Variants in WDFY3 observed in about 807,000 individuals in gnomAD.
WDFY3 encodes the protein WD repeat and FYVE domain containing 3.
Under a neutral mutation model 409.6 loss-of-function variants are expected in WDFY3, and 66 were observed. That is an observed-to-expected ratio of 0.16 (90% CI 0.13 to 0.20). The LOEUF is 0.20. Ranked by LOEUF, WDFY3 falls within the 10% of genes least tolerant of loss-of-function variation. The pLI, the probability that WDFY3 is intolerant of heterozygous loss-of-function variation, is 1.00. For missense variants in WDFY3, 3,031 were observed against 4,298.1 expected, an observed-to-expected ratio of 0.71 and a Z score of 8.24; for synonymous variants, 1,521 against 1,537.1, an observed-to-expected ratio of 0.99 and a Z score of 0.25.
intron 32 of WDFY3, among the ~76,000 whole-genome samples, chr4:84,765,505 T>C (rs916701584): frequency 4.6e-5 from 7 of 152,106 alleles, no homozygotes; most frequent in African/African-American, 1.4e-4. Context: ...ATTATTATTA[T>C]TAATTTAGTT....
chr4:84,699,280 T>C (rs894452106), intron 56 of WDFY3, among the ~76,000 whole-genome samples: 2 of 152,208 alleles, frequency 1.3e-5, no homozygotes, highest in African/African-American at 4.8e-5. Flanking sequence ...TTACCTATTC[T>C]GAGTATTTCC....
intron 10 of WDFY3, among the ~76,000 whole-genome samples, chr4:84,822,319 C>A (rs372294654): frequency 2.0e-5 from 3 of 151,932 alleles, no homozygotes; most frequent in African/African-American, 7.3e-5. Flanking sequence ...CCAAGTATGA[C>A]CAAAAAATTA....
At chr4:84,935,270 T>G (rs1352462655) in intron 1 of WDFY3, among the ~76,000 whole-genome samples, 1 of 152,188 alleles carries the variant, frequency 6.6e-6, no homozygotes, top group African/African-American at 2.4e-5. Flanking sequence ...AATTTAACTT[T>G]TCATGATGAT....
At chr4:84,732,193 G>C (rs1473559659) in intron 44 of WDFY3, among the ~76,000 whole-genome samples, 1 of 152,120 alleles carries the variant, frequency 6.6e-6, no homozygotes, top group Non-Finnish European at 1.5e-5. Flanking sequence ...ACTTTAGAGA[G>C]CTATCTTCCA....
intron 3 of WDFY3, among the ~76,000 whole-genome samples, chr4:84,884,893 A>T (rs1004765338): frequency 5.3e-5 from 8 of 152,222 alleles, no homozygotes; most frequent in African/African-American, 1.9e-4. Flanking sequence ...ATACAATTAA[A>T]CTAGACTCCT....
At chr4:84,915,199 T>C (rs1768319778) in intron 2 of WDFY3, among the ~76,000 whole-genome samples, 1 of 152,154 alleles carries the variant, frequency 6.6e-6, no homozygotes, top group Non-Finnish European at 1.5e-5. Context: ...TATTACCTAA[T>C]GGGTACAGAG....
At chr4:84,850,928 G>GTGTTTTTTTTTTTTTTTTTTTTTTTTTTT (rs1758864479) in intron 4 of WDFY3, among the ~76,000 whole-genome samples, 1 of 46,220 alleles carries the variant, frequency 2.2e-5, no homozygotes, top group African/African-American at 9.3e-5. Context: ...TTATTTATCT[G>GTGTTTTTTTTTTTTTTTTTTTTTTTTTTT]TTTTTTTTTT....
intron 3 of WDFY3, among the ~76,000 whole-genome samples, chr4:84,889,569 G>A (rs1305310609): frequency 3.3e-5 from 5 of 152,202 alleles, no homozygotes; most frequent in East Asian, 1.9e-4. Context: ...AAGAATAGGC[G>A]GCAGCAAAAA....
intron 55 of WDFY3, among the ~76,000 whole-genome samples, chr4:84,702,960 G>C (rs1013790441): frequency 6.6e-6 from 1 of 152,084 alleles, no homozygotes; most frequent in Admixed American, 6.5e-5. Flanking sequence ...GCCTGGCGAG[G>C]TGGCGGGCGC....
intron 51 of WDFY3, among the ~76,000 whole-genome samples, chr4:84,712,537 G>A (rs1325916911): frequency 1.3e-5 from 2 of 151,740 alleles, no homozygotes; most frequent in South Asian, 2.1e-4. Context: ...CCTGACCAAC[G>A]TGGCAAAACC....
At chr4:84,950,912 A>C (rs1283189259) in intron 1 of WDFY3, among the ~76,000 whole-genome samples, 4 of 152,250 alleles carry the variant, frequency 2.6e-5, no homozygotes, top group African/African-American at 4.8e-5. Context: ...ACTGCAATAC[A>C]ATCACTGCAG....
At chr4:84,808,522 A>T in intron 14 of WDFY3, 105 bp from the exon 15 acceptor site, 1 of 844,006 alleles carries the variant, frequency 1.2e-6, no homozygotes, top group Non-Finnish European at 2.0e-6. Flanking sequence ...AAGTTTAATA[A>T]GGAACATCTT....
intron 1 of WDFY3, among the ~76,000 whole-genome samples, chr4:84,957,326 C>T (rs1413199585): frequency 6.6e-6 from 1 of 151,292 alleles, no homozygotes; most frequent in Admixed American, 6.6e-5. Context: ...GACTATAACG[C>T]TATGGAAGAT....
At chr4:84,866,163 G>A (rs910089950) in intron 3 of WDFY3, among the ~76,000 whole-genome samples, 2 of 152,126 alleles carry the variant, frequency 1.3e-5, no homozygotes, top group Non-Finnish European at 2.9e-5. Context: ...AATGATGGGG[G>A]AAAAAATCAG....
At chr4:84,885,145 C>T (rs1183439421) in intron 3 of WDFY3, among the ~76,000 whole-genome samples, 3 of 151,934 alleles carry the variant, frequency 2.0e-5, no homozygotes, top group Admixed American at 1.3e-4. Context: ...GGATTACAGG[C>T]GTGCACCACC....
intron 32 of WDFY3, among the ~76,000 whole-genome samples, chr4:84,760,089 T>G (rs1265845278): frequency 6.6e-6 from 1 of 151,208 alleles, no homozygotes; most frequent in African/African-American, 2.4e-5. Flanking sequence ...TGGTTCTGTT[T>G]ATATGCTGGA....
chr4:84,938,067 T>C (rs1771656160), intron 1 of WDFY3, among the ~76,000 whole-genome samples: 1 of 152,162 alleles, frequency 6.6e-6, no homozygotes, highest in Admixed American at 6.6e-5. Flanking sequence ...GACAGGTGTA[T>C]TTCCCTTCTA....
At chr4:84,788,153 A>G (rs1002319743) in intron 22 of WDFY3, among the ~76,000 whole-genome samples, 2 of 152,186 alleles carry the variant, frequency 1.3e-5, no homozygotes, top group Admixed American at 6.5e-5. Context: ...GGGGTAAATT[A>G]TTATAATAAA....
At chr4:84,753,626 C>T in intron 35 of WDFY3, 71 bp downstream of exon 35, 2 of 1,445,950 alleles carry the variant, frequency 1.4e-6, no homozygotes, top group African/African-American at 1.4e-5. Context: ...AATCTGCTAA[C>T]CATTGAAACA....
Sources: allele counts gnomAD v4.1 joint callset (sites outside exome capture counted in the v4.1 genomes callset), GRCh38; gene constraint gnomAD v4.1.1; transcripts MANE v1.5; gene names NCBI Gene and HGNC (gene_info 2026-07-23, HGNC 2026-07-21).